Variants in LHCGR observed in about 807,000 individuals in gnomAD.
The protein encoded by LHCGR is luteinizing hormone/choriogonadotropin receptor.
Under a neutral mutation model 60.7 loss-of-function variants are expected in LHCGR, and 55 were observed. That is an observed-to-expected ratio of 0.91 (90% CI 0.73 to 1.13). LHCGR has a LOEUF of 1.13. LHCGR is among the 50% of genes most tolerant of loss of function. LHCGR has a pLI of 0.00. For missense variants in LHCGR, 862 were observed against 836.0 expected (o/e 1.03, Z -0.38); for synonymous variants, 337 against 316.5 (o/e 1.06, Z -0.69).
At position 48,748,921 on chromosome 2, in the gene LHCGR, T is replaced by G. The variant is rs1045233398; in HGVS notation, c.161+6590A>C. Among the ~76,000 whole-genome samples the G allele has an allele frequency of 7.9e-5, 12 of 152,100 alleles. No individual in the cohort carries two copies. In the South Asian group the frequency reaches 8.3e-4, roughly 11 times the overall value. On this transcript the variant is annotated intron_variant, in intron 1 of 10. Coordinates refer to ENST00000294954, the MANE Select transcript of LHCGR (RefSeq NM_000233.4). ...GCCCAGTCTGTCCTGTTGATCAGTT[T>G]GAATAATTTGGGGACTGCATTGGAC...
chr2:48,709,313 G>A (rs1003785091), intron 7 of LHCGR, among the ~76,000 whole-genome samples: 5 of 152,134 alleles, frequency 3.3e-5, no homozygotes, highest in Admixed American at 1.3e-4. Context: ...AGTTATGAAA[G>A]TTTACCACCA....
In LHCGR at chr2:48,687,735, T is replaced by G; in HGVS notation, c.2062A>C (p.Thr688Pro). 6.2e-7 allele frequency: 1 copy of G among 1,614,070 alleles called. No homozygotes were observed. Among genetic ancestry groups the G allele is most frequent in the Admixed American group, 1.7e-5 (1 of 60,024 alleles). The change falls in exon 11 of 11, where the codon ACA (threonine) becomes CCA (proline). Residue 688 changes from threonine (T) to proline (P), a missense_variant. Physicochemically the swap from Thr to Pro is conservative, Grantham distance 38. Transcript: ENST00000294954. Reference protein sequence around the residue: ...LKLSTLHCQGTALLDKTRYTE... With the variant: ...LKLSTLHCQGPALLDKTRYTE... ...TAGCGAGTCTTGTCTAGGAGAGCTG[T>G]ACCTTGACAGTGCAATGTGGACAAC... is the stretch of plus-strand genomic sequence containing the variant.
intron 7 of LHCGR, among the ~76,000 whole-genome samples, chr2:48,711,996 A>T (rs1391414923): frequency 6.6e-6 from 1 of 152,052 alleles, no homozygotes; most frequent in Non-Finnish European, 1.5e-5. Context: ...CCTAACTCGT[A>T]TCTAGAAAGT....
intron 9 of LHCGR, among the ~76,000 whole-genome samples, chr2:48,695,861 A>C (rs889799918): frequency 6.6e-6 from 1 of 152,222 alleles, no homozygotes; most frequent in Non-Finnish European, 1.5e-5. Context: ...AACTGGGAAC[A>C]TATGAACAGG....
chr2:48,693,068 C>A (rs1666937418), intron 10 of LHCGR, among the ~76,000 whole-genome samples: 1 of 152,038 alleles, frequency 6.6e-6, no homozygotes, highest in African/African-American at 2.4e-5. Context: ...TTAACTATAT[C>A]CATAAATGTT....
chr2:48,714,069 A>G lies in LHCGR; in HGVS notation c.537-15T>C. On this transcript the variant is annotated splice_polypyrimidine_tract_variant and intron_variant, in intron 6 of 10. Transcript: ENST00000294954. ...CATATAGTTTGCTGAAGGAGGGAGG[A>G]GAGGGTTTAGGAATGGGAAGAAACT... 1 of 1,598,690 alleles carries G rather than the reference A, an allele frequency of 6.3e-7. No homozygotes were observed. Among genetic ancestry groups the G allele is most frequent in the Non-Finnish European group, 8.6e-7 (1 of 1,166,042 alleles).
In LHCGR at chr2:48,687,508, A is replaced by G. The variant is rs958746027; in HGVS notation, c.*189T>C. ...AACTTCAGTATTTATGCCATGTAAC[A>G]ATGACAAATAGTTTTTAGTGTGGCA... On this transcript the variant is annotated 3_prime_UTR_variant, in exon 11 of 11. Coordinates refer to ENST00000294954, the MANE Select transcript of LHCGR (RefSeq NM_000233.4). 3 of 541,990 alleles carry G rather than the reference A, an allele frequency of 5.5e-6. No homozygotes were observed. Among genetic ancestry groups the G allele is most frequent in the African/African-American group, 3.8e-5 (2 of 53,206 alleles). The allele number at this position is 541,990 out of a possible 1,614,324, so 33.6% of individuals were successfully genotyped here.
At chr2:48,742,273 GA>G (rs1303154525) in intron 1 of LHCGR, among the ~76,000 whole-genome samples, 3 of 152,086 alleles carry the variant, frequency 2.0e-5, no homozygotes, top group Non-Finnish European at 4.4e-5. Context: ...GTCAACATTA[GA>G]CAGATCAATG....
At chr2:48,729,390 A>C (rs189583241) in intron 2 of LHCGR, among the ~76,000 whole-genome samples, 163 bp from the exon 3 acceptor site, 1 of 152,214 alleles carries the variant, frequency 6.6e-6, no homozygotes, top group Non-Finnish European at 1.5e-5. Flanking sequence ...CAGTGCTAAC[A>C]TCTCCCTTTA....
intron 3 of LHCGR, among the ~76,000 whole-genome samples, chr2:48,727,341 T>C (rs1465385710): frequency 6.6e-6 from 1 of 152,092 alleles, no homozygotes; most frequent in Non-Finnish European, 1.5e-5. Context: ...TTAACAAACA[T>C]TTATTGGGCA....
chr2:48,717,124 A>T (rs1480783403), intron 6 of LHCGR, among the ~76,000 whole-genome samples: 10 of 152,176 alleles, frequency 6.6e-5, no homozygotes, highest in Non-Finnish European at 1.3e-4. Context: ...TCTACCTTCT[A>T]AGTGATGATC....
intron 7 of LHCGR, 118 bp downstream of exon 7, chr2:48,713,868 C>T (rs981296607): frequency 1.1e-4 from 90 of 820,572 alleles, no homozygotes; most frequent in Non-Finnish European, 1.8e-4. Flanking sequence ...ACACTGAGGG[C>T]TAGCCACTTG....
intron 8 of LHCGR, among the ~76,000 whole-genome samples, chr2:48,702,670 C>A (rs913953537): frequency 1.3e-5 from 2 of 152,192 alleles, no homozygotes. Context: ...TATTGATGGA[C>A]ATTTGGGTTG....
chr2:48,729,348 A>G, intron 2 of LHCGR, 121 bp from the exon 3 acceptor site: 1 of 787,274 alleles, frequency 1.3e-6, no homozygotes, highest in East Asian at 2.6e-5. Context: ...CCCTGAAAAG[A>G]ACAAAGATGT....
intron 1 of LHCGR, among the ~76,000 whole-genome samples, chr2:48,754,595 AC>A (rs1188141991): frequency 1.3e-5 from 2 of 148,422 alleles, no homozygotes; most frequent in Admixed American, 1.3e-4. Context: ...AAATTTCACC[AC>A]CCCCCCGCCC....
At chr2:48,699,648 CAGAATGCATGTTCT>C (rs1232055735) in intron 8 of LHCGR, among the ~76,000 whole-genome samples, 5 of 152,236 alleles carry the variant, frequency 3.3e-5, no homozygotes, top group African/African-American at 1.2e-4. Context: ...ACCTAGGAAG[CAGAATGCATGTTCT>C]CTAATGCATG....
chr2:48,741,405 T>G (rs1669445515), intron 1 of LHCGR, among the ~76,000 whole-genome samples: 1 of 151,660 alleles, frequency 6.6e-6, no homozygotes, highest in African/African-American at 2.4e-5. Context: ...TCACCAAAGT[T>G]GAAATGAAAG....
At chr2:48,707,218 G>A (rs1259611083) in intron 8 of LHCGR, among the ~76,000 whole-genome samples, 2 of 152,228 alleles carry the variant, frequency 1.3e-5, no homozygotes, top group South Asian at 2.1e-4. Flanking sequence ...GATATCACCA[G>A]CAGAGGCTGC....
chr2:48,707,809 T>C (rs971271865), intron 8 of LHCGR, among the ~76,000 whole-genome samples: 6 of 152,248 alleles, frequency 3.9e-5, no homozygotes, highest in African/African-American at 1.4e-4. Context: ...TGCTGGGCTC[T>C]GTGAGCATGG....
Sources: gnomAD v4.1 joint callset for allele counts (sites outside exome capture counted in the v4.1 genomes callset) on GRCh38, gnomAD v4.1.1 for gene constraint, MANE v1.5 for transcripts, NCBI Gene and HGNC (gene_info 2026-07-23, HGNC 2026-07-21) for gene names.